NGLY1: variants seen among roughly 807,000 people sequenced by gnomAD.
NGLY1 encodes N-glycanase 1.
NGLY1 carries 68 observed loss-of-function variants against 84.6 expected under a neutral mutation model. The observed-to-expected ratio is 0.80, with a 90% confidence interval of 0.66 to 0.98. NGLY1 has a LOEUF of 0.98. Among genes scored for constraint, NGLY1 ranks in the 50% least tolerant of loss-of-function variants. The pLI is 0.00. For missense variants in NGLY1, 779 were observed against 770.2 expected, an observed-to-expected ratio of 1.01 and a Z score of -0.14; for synonymous variants, 280 against 275.2, an observed-to-expected ratio of 1.02 and a Z score of -0.17.
chr3:25,758,285 A>C (rs1707137597), intron 3 of NGLY1, among the ~76,000 whole-genome samples: 1 of 152,212 alleles, frequency 6.6e-6, no homozygotes, highest in South Asian at 2.1e-4. Flanking sequence ...TAGTATTAAT[A>C]AATTTTTTGG....
intron 2 of NGLY1, among the ~76,000 whole-genome samples, chr3:25,772,817 TGCTA>T (rs1268924480): frequency 1.3e-5 from 2 of 152,246 alleles, no homozygotes; most frequent in African/African-American, 4.8e-5. Context: ...GTTCTTGTAG[TGCTA>T]GCTTGGTAGT....
rs1706761358 is a variant in NGLY1, at chr3:25,751,747, C to T, written c.493-484G>A. 2.0e-5 allele frequency among the ~76,000 whole-genome samples: 3 copies of T among 152,162 alleles called. No individual in the cohort carries two copies. The South Asian group carries it at 6.2e-4, about 32-fold the overall frequency. On this transcript the variant is annotated intron_variant, in intron 3 of 11. Transcript: ENST00000280700. ...GTAAAAAAAGTTTCCAAAATAATCC[C>T]AAGGGCAGAGAAGCCATAGGATCTA...
intron 4 of NGLY1, among the ~76,000 whole-genome samples, chr3:25,750,273 C>T (rs930522212): frequency 2.6e-5 from 4 of 152,054 alleles, no homozygotes; most frequent in African/African-American, 9.7e-5. Context: ...CCAACTGGTC[C>T]CACCCTTGAC....
At chr3:25,727,680 A>G (rs377397357) in intron 10 of NGLY1, among the ~76,000 whole-genome samples, 8 of 152,310 alleles carry the variant, frequency 5.3e-5, no homozygotes, top group Admixed American at 5.2e-4. Context: ...TACGTAGCTG[A>G]GAATAATGCC....
chr3:25,783,230 T>TA lies in NGLY1; in HGVS notation c.131+29dup. 2 of 1,422,384 alleles carry TA rather than the reference T, an allele frequency of 1.4e-6. No homozygotes were observed. Among genetic ancestry groups the TA allele is most frequent in the Non-Finnish European group, 1.9e-6 (2 of 1,026,238 alleles). 88.1% of individuals were successfully genotyped at this position (1,422,384 alleles called of 1,614,324 possible). On this transcript the variant is annotated intron_variant, in intron 1 of 11. Coordinates refer to ENST00000280700, the MANE Select transcript of NGLY1 (RefSeq NM_018297.4). This position sits in a 1 kb window ranked among gnomAD's most constrained non-coding sequence, Gnocchi z 4.5. ...AGGTGCCGCGGCCCACCCACCCCGG[T>TA]ACCCGCCGTCCGACCCCGTTGCCCT...
rs533538106 is a variant in NGLY1 at position 25,781,616 on chromosome 3, G to C, written c.131+1644C>G. 2.5e-4 allele frequency among the ~76,000 whole-genome samples: 38 copies of C among 152,266 alleles called. 1 individual carries two copies. In the South Asian group the frequency reaches 7.9e-3, roughly 32 times the overall value. ...CACACCCCTCATCTTTCAGAATCTT[G>C]AAGCTGTGAGGCGGAGGTTGCAGTG... On this transcript the variant is annotated intron_variant, in intron 1 of 11. Coordinates refer to ENST00000280700, the MANE Select transcript of NGLY1 (RefSeq NM_018297.4).
chr3:25,769,231 T>C (rs1707776345), intron 2 of NGLY1, among the ~76,000 whole-genome samples: 1 of 152,042 alleles, frequency 6.6e-6, no homozygotes, highest in African/African-American at 2.4e-5. Flanking sequence ...CATGATGGCG[T>C]GCACCTGCAG....
In NGLY1 at chr3:25,783,075, T is replaced by A; in HGVS notation, c.131+185A>T. On this transcript the variant is annotated intron_variant, in intron 1 of 11. Transcript: ENST00000280700. This position sits in a 1 kb window ranked among gnomAD's most constrained non-coding sequence, Gnocchi z 4.5. ...TCCTTTTCTCGAGCGGGGGTGGGAC[T>A]TGGCCGGGTCCCGAGGCCCCTGGCC... The A allele has an allele frequency of 1.8e-6, 1 of 562,558 alleles. No homozygotes were observed. Among genetic ancestry groups the A allele is most frequent in the Non-Finnish European group, 3.1e-6 (1 of 317,916 alleles). The allele number at this position is 562,558 out of a possible 1,614,324, so 34.8% of individuals were successfully genotyped here.
At chr3:25,785,332 T>C (rs772601543), upstream of NGLY1, among the ~76,000 whole-genome samples, 12 of 146,550 alleles carry the variant, frequency 8.2e-5, no homozygotes, top group Non-Finnish European at 1.2e-4. Context: ...AAGGGGAGAG[T>C]CTGGGAAATG....
chr3:25,728,783 T>C lies in NGLY1; in HGVS notation c.1611+350A>G, dbSNP rs575197899. Among the ~76,000 whole-genome samples the C allele has an allele frequency of 1.5e-4, 23 of 152,182 alleles. No homozygotes were observed. The South Asian group carries it at 4.6e-3, about 30-fold the overall frequency. Reference sequence around the variant, plus strand: ...CAATACACATCTGTGAAGGAATTAATTCACAATATAATGTATTTATATATA... The same window carrying C: ...CAATACACATCTGTGAAGGAATTAACTCACAATATAATGTATTTATATATA... On this transcript the variant is annotated intron_variant, in intron 10 of 11. Transcript: ENST00000280700.
In NGLY1 at chr3:25,729,283, C is replaced by T. The variant is rs1705419761; in HGVS notation, c.1461G>A (p.Glu487=). The T allele has an allele frequency of 1.4e-6, 2 of 1,470,664 alleles. No homozygotes were observed. Among genetic ancestry groups the T allele is most frequent in the South Asian group, 1.5e-5 (1 of 66,240 alleles). 91.1% of individuals were successfully genotyped at this position (1,470,664 alleles called of 1,614,324 possible). A position where few individuals can be genotyped will look rare whatever the true frequency, so the allele number is the denominator to read the frequency against. The change falls in exon 10 of 12, where the codon GAG becomes GAA. Residue 487 remains glutamate (E), a synonymous_variant. Coordinates refer to ENST00000280700, the MANE Select transcript of NGLY1 (RefSeq NM_018297.4). ...AAAGGTGGAGCTGTTTAGAAATCTT[C>T]TCATTTTCACAGGGAATAAACAAGG... ...KETLFIPCEN[E]KISKQLHLCY...
chr3:25,734,798 T>C (rs150871442), intron 7 of NGLY1: 1 of 940,404 alleles, frequency 1.1e-6, no homozygotes, highest in East Asian at 1.2e-4. Flanking sequence ...AAACAGTTGA[T>C]AGTTTAACCA....
chr3:25,775,202 A>G (rs1708098584), intron 2 of NGLY1, among the ~76,000 whole-genome samples: 1 of 152,214 alleles, frequency 6.6e-6, no homozygotes. Flanking sequence ...ATGTTCCTCT[A>G]GTATTTCTCA....
intron 3 of NGLY1, 88 bp from the exon 4 acceptor site, chr3:25,751,351 T>C (rs1447908283): frequency 7.9e-6 from 9 of 1,135,168 alleles, no homozygotes; most frequent in Non-Finnish European, 1.1e-5. Context: ...TTTATGATTT[T>C]ACAGATAGAA....
At chr3:25,777,076 A>T (rs1708186151) in intron 2 of NGLY1, among the ~76,000 whole-genome samples, 1 of 152,202 alleles carries the variant, frequency 6.6e-6, no homozygotes, top group African/African-American at 2.4e-5. Context: ...AAGCTAGAAT[A>T]ATCTTCAAAA....
At chr3:25,780,331 T>G (rs1708354865) in intron 1 of NGLY1, among the ~76,000 whole-genome samples, 1 of 152,198 alleles carries the variant, frequency 6.6e-6, no homozygotes, top group Admixed American at 6.5e-5. Flanking sequence ...TTCTTATCAC[T>G]TAAGAAAACT....
Position 25,783,257 on chromosome 3 carries a change from C to T in NGLY1, c.131+3G>A. The T allele has an allele frequency of 6.2e-7, 1 of 1,609,460 alleles. No homozygotes were observed. Among genetic ancestry groups the T allele is most frequent in the Non-Finnish European group, 8.5e-7 (1 of 1,177,886 alleles). On this transcript the variant is annotated splice_donor_region_variant and intron_variant, in intron 1 of 11. Transcript: ENST00000280700. The surrounding 1 kb of genome is among the most constrained non-coding windows in gnomAD (Gnocchi z 4.5). ...CCCGCCGTCCGACCCCGTTGCCCTG[C>T]ACCTGAGGATGTTGTCAGCATAGGT...
chr3:25,737,290 G>T, intron 6 of NGLY1, 44 bp downstream of exon 6: 1 of 1,503,278 alleles, frequency 6.7e-7, no homozygotes, highest in Non-Finnish European at 9.0e-7. Flanking sequence ...AAACCTGCAA[G>T]CCTGCAAAGC....
At chr3:25,744,728 G>A (rs1311785591) in intron 4 of NGLY1, among the ~76,000 whole-genome samples, 1 of 152,220 alleles carries the variant, frequency 6.6e-6, no homozygotes, top group Admixed American at 6.5e-5. Context: ...CTCCAAGGAA[G>A]ACTACTTCAA....
Sources: allele counts gnomAD v4.1 joint callset (sites outside exome capture counted in the v4.1 genomes callset), GRCh38; gene constraint gnomAD v4.1.1; non-coding constraint Gnocchi (gnomAD v3.1); transcripts MANE v1.5; gene names NCBI Gene and HGNC (gene_info 2026-07-23, HGNC 2026-07-21).